The following NLGN1 variants were observed in gnomAD, a reference collection of about 807,000 sequenced individuals.
The protein encoded by NLGN1 is neuroligin-1.
NLGN1 carries 12 observed loss-of-function variants against 65.5 expected under a neutral mutation model. The ratio of observed to expected loss-of-function variants is 0.18; its 90% confidence interval spans 0.12 to 0.30. The LOEUF (loss-of-function observed/expected upper bound fraction) is 0.30, where lower values mean the gene tolerates loss of function less well. NLGN1 is among the 10% of genes least tolerant of loss of function. NLGN1 has a pLI of 1.00. For missense variants in NLGN1, 750 were observed against 1,007.1 expected (o/e 0.74, Z 3.46); for synonymous variants, 350 against 359.5 (o/e 0.97, Z 0.30).
intron 4 of NLGN1, among the ~76,000 whole-genome samples, chr3:173,980,352 G>A (rs997568952): frequency 2.6e-5 from 4 of 151,610 alleles, no homozygotes; most frequent in African/African-American, 9.7e-5. Flanking sequence ...AAATATTATA[G>A]CTTATTTCAC....
At chr3:173,473,615 A>G (rs2148936188) in intron 2 of NLGN1, among the ~76,000 whole-genome samples, 1 of 151,864 alleles carries the variant, frequency 6.6e-6, no homozygotes, top group East Asian at 1.9e-4. Context: ...ATTTCAGAAA[A>G]CTCTTTCTTT....
At chr3:174,001,444 C>T (rs1302522073) in intron 4 of NLGN1, among the ~76,000 whole-genome samples, 1 of 152,104 alleles carries the variant, frequency 6.6e-6, no homozygotes, top group African/African-American at 2.4e-5. Context: ...AGCACCTACT[C>T]TGTGTCAGGA....
intron 2 of NLGN1, among the ~76,000 whole-genome samples, chr3:173,487,830 C>T (rs1327945144): frequency 2.6e-5 from 4 of 151,854 alleles, no homozygotes; most frequent in Non-Finnish European, 4.4e-5. Context: ...ATACCTTCTC[C>T]GTTGTTATGT....
At chr3:174,201,921 C>A (rs1238415040) in intron 4 of NLGN1, among the ~76,000 whole-genome samples, 1 of 152,000 alleles carries the variant, frequency 6.6e-6, no homozygotes, top group Admixed American at 6.6e-5. Flanking sequence ...TCCTTGTGTT[C>A]TCTTTATCAT....
intron 4 of NLGN1, among the ~76,000 whole-genome samples, chr3:173,921,394 G>A (rs1741998102): frequency 6.7e-6 from 1 of 150,142 alleles, no homozygotes; most frequent in South Asian, 2.1e-4. Flanking sequence ...CTGTGTTCAA[G>A]TTCAGTTCAT....
Position 173,740,741 on chromosome 3 carries a change from G to A in NLGN1, c.494-66939G>A, listed in dbSNP as rs117427812. Among the ~76,000 whole-genome samples the A allele has an allele frequency of 8.6e-4, 131 of 152,188 alleles. 1 individual carries two copies. The East Asian group carries it at 0.021, about 24-fold the overall frequency. The stretch of plus-strand genomic sequence containing the variant: ...TGCTCACACCATAGTTTATAGGCAA[G>A]GAAGCAATCATGTGTTTAATTCTTG... On this transcript the variant is annotated intron_variant, in intron 3 of 6. Coordinates refer to ENST00000457714, the Ensembl canonical transcript of NLGN1.
intron 4 of NLGN1, among the ~76,000 whole-genome samples, chr3:174,268,446 G>A (rs1032205824): frequency 9.2e-5 from 14 of 152,118 alleles, no homozygotes; most frequent in African/African-American, 3.4e-4. Flanking sequence ...GGGGACTGGA[G>A]CTGGGGGTTA....
chr3:173,901,186 A>G (rs954506042), intron 4 of NLGN1, among the ~76,000 whole-genome samples: 1 of 151,932 alleles, frequency 6.6e-6, no homozygotes, highest in Non-Finnish European at 1.5e-5. Flanking sequence ...TGGAATTGAG[A>G]TTAATAATGC....
chr3:173,905,562 C>G (rs1738220213), intron 4 of NLGN1, among the ~76,000 whole-genome samples: 2 of 152,182 alleles, frequency 1.3e-5, no homozygotes, highest in Non-Finnish European at 2.9e-5. Flanking sequence ...TCTCATGTGG[C>G]CCTCCCTTGA....
Position 174,141,762 on chromosome 3 carries a change from A to G in NLGN1, c.647-133553A>G, listed in dbSNP as rs544099497. Among the ~76,000 whole-genome samples, 4 of 152,312 alleles carry G rather than the reference A, an allele frequency of 2.6e-5. No homozygotes were observed. In the South Asian group the frequency reaches 8.3e-4, roughly 32 times the overall value. On this transcript the variant is annotated intron_variant, in intron 4 of 6. Coordinates refer to ENST00000457714, the Ensembl canonical transcript of NLGN1. ...AGAAGTGGGGAGAGATGAACAATAAATAGATCAGCATTAAATTAATAAGGT... is the reference window on the plus strand; with the variant it reads ...AGAAGTGGGGAGAGATGAACAATAAGTAGATCAGCATTAAATTAATAAGGT...
At chr3:173,436,063 A>C (rs1280228763) in intron 2 of NLGN1, among the ~76,000 whole-genome samples, 3 of 152,144 alleles carry the variant, frequency 2.0e-5, no homozygotes, top group Admixed American at 6.5e-5. Context: ...ACAACACATG[A>C]TGTATGTTAT....
At chr3:173,779,743 A>G (rs1382397571) in intron 3 of NLGN1, among the ~76,000 whole-genome samples, 1 of 152,158 alleles carries the variant, frequency 6.6e-6, no homozygotes, top group Non-Finnish European at 1.5e-5. Context: ...TGTTTCAGAT[A>G]AGTGGATTTT....
intron 3 of NLGN1, among the ~76,000 whole-genome samples, chr3:173,741,931 G>A (rs374635589): frequency 1.3e-5 from 2 of 152,250 alleles, no homozygotes; most frequent in South Asian, 4.1e-4. Context: ...TCCCCGTAAT[G>A]TACGCTCCTT....
chr3:173,984,090 G>T (rs1719370080), intron 4 of NLGN1, among the ~76,000 whole-genome samples: 1 of 152,168 alleles, frequency 6.6e-6, no homozygotes, highest in African/African-American at 2.4e-5. Flanking sequence ...TGCCCCAGGT[G>T]ATTTTAATTA....
intron 2 of NLGN1, among the ~76,000 whole-genome samples, chr3:173,577,644 C>T (rs1745711440): frequency 6.6e-6 from 1 of 152,142 alleles, no homozygotes; most frequent in Non-Finnish European, 1.5e-5. Context: ...TTGAATGTAA[C>T]ATAGTTTTGT....
intron 4 of NLGN1, among the ~76,000 whole-genome samples, chr3:174,003,427 G>A (rs1037907981): frequency 1.3e-5 from 2 of 152,054 alleles, no homozygotes; most frequent in Non-Finnish European, 2.9e-5. Context: ...TATGAGGCCC[G>A]CTAAAATACG....
chr3:174,281,268 C>T lies in NLGN1; in HGVS notation c.2437C>T (p.Pro813Ser), dbSNP rs150613434. 52 of 1,609,242 alleles carry T rather than the reference C, an allele frequency of 3.2e-5. No individual in the cohort carries two copies. In the African/African-American group the frequency reaches 4.6e-4, roughly 14 times the overall value. Residue 813 changes from proline (P) to serine (S), a missense_variant, in exon 7 of 7, where the codon CCC becomes TCC. Transcript: ENST00000457714. ...GAACAATACTCTGCCCCATCCCCAT[C>T]CCCACCCCCATTCACATTCAACAAC...
intron 4 of NLGN1, among the ~76,000 whole-genome samples, chr3:173,899,983 A>G (rs998034824): frequency 2.6e-5 from 4 of 152,096 alleles, no homozygotes; most frequent in African/African-American, 9.6e-5. Context: ...ATAAGAGATA[A>G]TGTGTTCAGA....
At chr3:174,112,526 A>G (rs1561070591) in intron 4 of NLGN1, among the ~76,000 whole-genome samples, 1 of 151,868 alleles carries the variant, frequency 6.6e-6, no homozygotes, top group Admixed American at 6.6e-5. Flanking sequence ...CATTTCGGTG[A>G]TATTTGCTAA....
Sources: gnomAD v4.1 joint callset for allele counts (sites outside exome capture counted in the v4.1 genomes callset) on GRCh38, gnomAD v4.1.1 for gene constraint, MANE v1.5 for transcripts, NCBI Gene and HGNC (gene_info 2026-07-23, HGNC 2026-07-21) for gene names.